The following PPM1L variants were observed in gnomAD, a reference collection of about 807,000 sequenced individuals.
The protein encoded by PPM1L is protein phosphatase, Mg2+/Mn2+ dependent 1L, also known as protein phosphatase 1L.
A neutral mutation model predicts 31.4 loss-of-function variants in PPM1L; 13 were observed. The ratio of observed to expected loss-of-function variants is 0.41; its 90% CI spans 0.27 to 0.66. PPM1L has a LOEUF of 0.66. PPM1L is among the 30% of genes least tolerant of loss of function. The pLI is 0.29. For missense variants in PPM1L, 326 were observed against 453.7 expected (o/e 0.72, Z 2.56); for synonymous variants, 184 against 175.4 (o/e 1.05, Z -0.39).
At position 160,970,871 on chromosome 3, in the gene PPM1L, G is replaced by A. The variant is rs1046474790; in HGVS notation, c.574+8961G>A. On this transcript the variant is annotated intron_variant, in intron 2 of 3. Transcript: ENST00000498165. Reference sequence around the variant, plus strand: ...GTGGCGCAATCTCGGCTCACTGCAGGCTCCGCCCCCTGGGGTTCACGCCAT... The same window carrying A: ...GTGGCGCAATCTCGGCTCACTGCAGACTCCGCCCCCTGGGGTTCACGCCAT... Among the ~76,000 whole-genome samples the A allele has an allele frequency of 1.4e-4, 20 of 143,620 alleles. No homozygotes were observed. In the East Asian group the frequency reaches 2.4e-3, roughly 17 times the overall value. The allele number at this position is 143,620 out of a possible 152,430, so 94.2% of individuals were successfully genotyped here.
intron 1 of PPM1L, among the ~76,000 whole-genome samples, chr3:160,924,947 T>C (rs1238063055): frequency 6.6e-6 from 1 of 152,222 alleles, no homozygotes; most frequent in Non-Finnish European, 1.5e-5. Flanking sequence ...TAAAACCTCA[T>C]TGCAGACATG....
chr3:160,999,816 A>G (rs986285028), intron 2 of PPM1L, among the ~76,000 whole-genome samples: 26 of 152,204 alleles, frequency 1.7e-4, no homozygotes, highest in African/African-American at 5.5e-4. Flanking sequence ...AAAAGTACTT[A>G]CCTTTGACTC....
intron 2 of PPM1L, among the ~76,000 whole-genome samples, chr3:160,984,811 C>G (rs1242346644): frequency 6.6e-6 from 1 of 152,088 alleles, no homozygotes; most frequent in African/African-American, 2.4e-5. Context: ...CCTTTACAAG[C>G]AGTGGTTCTC....
At position 160,920,032 on chromosome 3, in the gene PPM1L, G is replaced by C. The variant is rs147264219; in HGVS notation, c.400-41704G>C. Among the ~76,000 whole-genome samples the C allele has an allele frequency of 2.2e-4, 33 of 152,214 alleles. 1 individual carries two copies. The South Asian group carries it at 3.5e-3, about 16-fold the overall frequency. On this transcript the variant is annotated intron_variant, in intron 1 of 3. Transcript: ENST00000498165. Reference sequence around the variant, plus strand: ...TAAATGGGTCCTGGGAACATGGGCAGATGTCTGGTCCTGAGCCATCACTAT... The same window carrying C: ...TAAATGGGTCCTGGGAACATGGGCACATGTCTGGTCCTGAGCCATCACTAT...
intron 2 of PPM1L, among the ~76,000 whole-genome samples, chr3:160,985,454 G>T (rs151304655): frequency 6.6e-6 from 1 of 152,194 alleles, no homozygotes. Flanking sequence ...TCCTAGTATA[G>T]TATTATAGTG....
chr3:160,898,224 C>A (rs913417036), intron 1 of PPM1L, among the ~76,000 whole-genome samples: 1 of 152,058 alleles, frequency 6.6e-6, no homozygotes, highest in South Asian at 2.1e-4. Context: ...AAGGGTCATT[C>A]TGGAAAATAA....
At chr3:161,065,301 C>A in intron 2 of PPM1L, 102 bp from the exon 3 acceptor site, 1 of 1,172,026 alleles carries the variant, frequency 8.5e-7, no homozygotes, top group South Asian at 1.5e-5. Flanking sequence ...TCTCACCCAG[C>A]AGAAGCAATT....
intron 1 of PPM1L, among the ~76,000 whole-genome samples, chr3:160,834,103 A>G (rs868745666): frequency 1.3e-4 from 20 of 149,202 alleles, no homozygotes; most frequent in African/African-American, 5.0e-4. Context: ...GGTTCACTGC[A>G]AGCTCCGCCT....
In PPM1L at chr3:161,075,988, C is replaced by T. The variant is rs929841601; in HGVS notation, c.*6831C>T. Reference sequence around the variant, plus strand: ...ACACAGTCACAGGTACAACTGGGAGCGAGTTTTAACATAGTGGTAATTTTG... The same window carrying T: ...ACACAGTCACAGGTACAACTGGGAGTGAGTTTTAACATAGTGGTAATTTTG... On this transcript the variant is annotated 3_prime_UTR_variant, in exon 4 of 4. Transcript: ENST00000498165. 2 of 152,042 alleles carry T rather than the reference C, an allele frequency of 1.3e-5. No homozygotes were observed. The highest frequency in any genetic ancestry group is 2.9e-5 in the Non-Finnish European group (2 of 68,008). 9.4% of individuals were successfully genotyped at this position (152,042 alleles called of 1,614,324 possible).
chr3:160,767,594 G>C (rs1283323842), intron 1 of PPM1L, among the ~76,000 whole-genome samples: 2 of 152,106 alleles, frequency 1.3e-5, no homozygotes, highest in African/African-American at 4.8e-5. Context: ...TAAACCTTGT[G>C]ACTTCTCTGG....
At chr3:160,869,249 T>A (rs907383756) in intron 1 of PPM1L, among the ~76,000 whole-genome samples, 2 of 152,214 alleles carry the variant, frequency 1.3e-5, no homozygotes, top group Non-Finnish European at 2.9e-5. Context: ...CCTAAATTAA[T>A]AACTGGACTT....
intron 2 of PPM1L, among the ~76,000 whole-genome samples, chr3:161,056,954 T>C (rs1719430123): frequency 6.6e-6 from 1 of 151,936 alleles, no homozygotes; most frequent in Admixed American, 6.6e-5. Context: ...TCCCAGCTAC[T>C]TGGGAGGCTG....
At chr3:160,778,228 G>T (rs1173440635) in intron 1 of PPM1L, among the ~76,000 whole-genome samples, 1 of 150,964 alleles carries the variant, frequency 6.6e-6, no homozygotes, top group African/African-American at 2.4e-5. Flanking sequence ...TTTAAAATTA[G>T]TTTTTTTTTG....
intron 1 of PPM1L, among the ~76,000 whole-genome samples, chr3:160,899,579 A>G (rs1004263236): frequency 2.7e-5 from 2 of 73,630 alleles, no homozygotes; most frequent in Non-Finnish European, 5.9e-5. Context: ...GTTTGGATGT[A>G]TAGTGTTTTT....
At chr3:160,950,836 A>C (rs1390672515) in intron 1 of PPM1L, among the ~76,000 whole-genome samples, 1 of 152,208 alleles carries the variant, frequency 6.6e-6, no homozygotes, top group Non-Finnish European at 1.5e-5. Flanking sequence ...GGCTTCCTGA[A>C]TTCCCAAGGG....
chr3:160,768,105 G>A (rs148763823), intron 1 of PPM1L, among the ~76,000 whole-genome samples: 43 of 152,286 alleles, frequency 2.8e-4, no homozygotes, highest in Non-Finnish European at 5.4e-4. Flanking sequence ...ATGTTCCAGA[G>A]TTTGAGATTA....
chr3:161,043,669 T>G (rs1718972942), intron 2 of PPM1L, among the ~76,000 whole-genome samples: 1 of 152,214 alleles, frequency 6.6e-6, no homozygotes, highest in Non-Finnish European at 1.5e-5. Context: ...GTTGCCTTAT[T>G]TGATGAATTA....
At chr3:160,977,312 T>C (rs1156338039) in intron 2 of PPM1L, among the ~76,000 whole-genome samples, 1 of 152,188 alleles carries the variant, frequency 6.6e-6, no homozygotes, top group African/African-American at 2.4e-5. Context: ...TCCTAGGGAA[T>C]TCTAAATTGA....
At chr3:160,954,009 G>A (rs1018083869) in intron 1 of PPM1L, among the ~76,000 whole-genome samples, 3 of 152,216 alleles carry the variant, frequency 2.0e-5, no homozygotes, top group South Asian at 2.1e-4. Context: ...ACCACAGTAC[G>A]CATTGCCATC....
Sources: gnomAD v4.1 joint callset for allele counts (sites outside exome capture counted in the v4.1 genomes callset) on GRCh38, gnomAD v4.1.1 for gene constraint, MANE v1.5 for transcripts, NCBI Gene and HGNC (gene_info 2026-07-23, HGNC 2026-07-21) for gene names.